EPPK1: variants seen among roughly 807,000 people sequenced by gnomAD.
EPPK1 encodes the protein epiplakin 1.
For synonymous variants in EPPK1, 1,862 were observed against 1,721.2 expected, an observed-to-expected ratio of 1.08 and a Z score of -2.03; for missense variants, 3,823 against 3,673.3, an observed-to-expected ratio of 1.04 and a Z score of -1.05.
Position 143,867,012 on chromosome 8 carries a change from A to C in EPPK1, c.6242T>G (p.Leu2081Arg). 6.2e-7 allele frequency: 1 copy of C among 1,612,664 alleles called. No homozygotes were observed. Among genetic ancestry groups the C allele is most frequent in the Non-Finnish European group, 8.5e-7 (1 of 1,179,848 alleles). The change falls in exon 2 of 2, where the codon CTG becomes CGG. Residue 2081 changes from leucine (L) to arginine (R), a missense_variant. Transcript: ENST00000615648. Reference protein sequence around the residue: ...RCRPQEDTGWLLFPVNKAARD... With the variant: ...RCRPQEDTGWRLFPVNKAARD... ...TGCAGCCTTGTTCACTGGGAACAGCAGCCAGCCCGTGTCCTCTTGTGGGCG... is the reference window on the plus strand; with the variant it reads ...TGCAGCCTTGTTCACTGGGAACAGCCGCCAGCCCGTGTCCTCTTGTGGGCG...
At position 143,869,944 on chromosome 8, in the gene EPPK1, T is replaced by C; in HGVS notation, c.3310A>G (p.Arg1104Gly). The change falls in exon 2 of 2, where the codon AGG (arginine) becomes GGG (glycine). Residue 1104 changes from arginine (R) to glycine (G), a missense_variant. Physicochemically the swap from Arg to Gly is moderately radical, Grantham distance 125. Transcript: ENST00000615648. ...SYAQLLEECP[R>G]DETSGLHLLP... ...AGGTGAAGGCCAGAAGTCTCATCCC[T>C]GGGGCACTCCTCCAGGAGCTGGGCA... 6.2e-7 allele frequency: 1 copy of C among 1,608,388 alleles called. No homozygotes were observed. The highest frequency in any genetic ancestry group is 1.7e-5 in the Admixed American group (1 of 59,552).
chr8:143,876,556 C>T (rs934890752), intron 1 of EPPK1, among the ~76,000 whole-genome samples: 1 of 152,158 alleles, frequency 6.6e-6, no homozygotes, highest in Non-Finnish European at 1.5e-5. Flanking sequence ...CTGAGGCCAT[C>T]CTGAGACCAC....
In EPPK1 at chr8:143,866,594, C is replaced by A; in HGVS notation, c.6660G>T (p.Leu2220=). Residue 2220 remains leucine, a synonymous_variant, in exon 2 of 2, where the codon CTG becomes CTT. Coordinates refer to ENST00000615648, the MANE Select transcript of EPPK1 (RefSeq NM_031308.4). ...LMEDDRVKRY[L]EGTSCIAGVL... Reference sequence around the variant, plus strand: ...CGCCCGCGATGCAGCTGGTGCCCTCCAGGTAGCGCTTGACGCGGTCGTCCT... The same window carrying A: ...CGCCCGCGATGCAGCTGGTGCCCTCAAGGTAGCGCTTGACGCGGTCGTCCT... 1 of 1,612,592 alleles carries A rather than the reference C, an allele frequency of 6.2e-7. No individual in the cohort carries two copies. Among genetic ancestry groups the A allele is most frequent in the Non-Finnish European group, 8.5e-7 (1 of 1,179,804 alleles).
chr8:143,876,307 G>A (rs1367469721), intron 1 of EPPK1, among the ~76,000 whole-genome samples: 2 of 152,214 alleles, frequency 1.3e-5, no homozygotes, highest in Non-Finnish European at 2.9e-5. Flanking sequence ...GACAAGCCCT[G>A]AGCCAGCAGG....
rs782161337 is a variant in EPPK1, at chr8:143,869,896, G to T, written c.3358C>A (p.Pro1120Thr). The change falls in exon 2 of 2, where the codon CCT (proline) becomes ACT (threonine). Residue 1120 changes from proline (P) to threonine (T), a missense_variant. Transcript: ENST00000615648. ...LHLLPLPESA[P>T]ALPTEEQVQR... ...ACCTGCTCCTCGGTGGGGAGGGCAG[G>T]AGCACTTTCTGGCAGGGGCAGGAGG... The T allele has an allele frequency of 1.2e-6, 2 of 1,608,394 alleles. No homozygotes were observed. Among genetic ancestry groups the T allele is most frequent in the Non-Finnish European group, 1.7e-6 (2 of 1,178,076 alleles).
In EPPK1 at chr8:143,869,039, G is replaced by T. The variant is rs782462121; in HGVS notation, c.4215C>A (p.Asp1405Glu). The T allele has an allele frequency of 2.5e-6, 4 of 1,609,776 alleles. No homozygotes were observed. The highest frequency in any genetic ancestry group is 3.4e-6 in the Non-Finnish European group (4 of 1,179,840). Residue 1405 changes from aspartate to glutamate, a missense_variant, in exon 2 of 2, where the codon GAC (aspartate) becomes GAA (glutamate). Asp to Glu is a conservative substitution (Grantham distance 45). Coordinates refer to ENST00000615648, the MANE Select transcript of EPPK1 (RefSeq NM_031308.4). ...AGGTCACCTGGTCCCGCGCACTGGG[G>T]TCAAAGAAGAACTTGTTGTCCTTGT... ...AVDKDNKFFF[D>E]PSARDQVTYQ...
chr8:143,878,969 G>A (rs576961284), upstream of EPPK1, among the ~76,000 whole-genome samples: 1 of 152,232 alleles, frequency 6.6e-6, no homozygotes, highest in South Asian at 2.1e-4. Context: ...GGGATGTCCT[G>A]CCTGGAGCAG....
In EPPK1 at chr8:143,871,886, G is replaced by A; in HGVS notation, c.1368C>T (p.Val456=). Residue 456 remains valine, a synonymous_variant, in exon 2 of 2, where the codon GTC becomes GTT. Coordinates refer to ENST00000615648, the MANE Select transcript of EPPK1 (RefSeq NM_031308.4). The part of the protein sequence containing the change: ...LRYEQLLALC[V]TDPETGLAFL... The stretch of plus-strand genomic sequence containing the variant: ...AGGCAAGCCCGGTCTCTGGGTCGGT[G>A]ACACAGAGGGCCAGCAGCTGTTCAT... The A allele has an allele frequency of 6.2e-7, 1 of 1,609,904 alleles. No individual in the cohort carries two copies. The highest frequency in any genetic ancestry group is 1.3e-5 in the African/African-American group (1 of 75,054).
rs782723528 is a variant in EPPK1 at position 143,871,253 on chromosome 8, T to G, written c.2001A>C (p.Ala667=). ...KANKGHSVEE[A]LRAAVIGPDV... ...CAGGCCCAATGACAGCAGCCCTCAG[T>G]GCCTCCTCAACGGAGTGCCCCTTGT... The change falls in exon 2 of 2, where the codon GCA becomes GCC. Residue 667 remains alanine, a synonymous_variant. Coordinates refer to ENST00000615648, the MANE Select transcript of EPPK1 (RefSeq NM_031308.4). 6.2e-7 allele frequency: 1 copy of G among 1,613,098 alleles called. No individual in the cohort carries two copies. Among genetic ancestry groups the G allele is most frequent in the East Asian group, 2.2e-5 (1 of 44,888 alleles).
At position 143,872,657 on chromosome 8, in the gene EPPK1, G is replaced by A; in HGVS notation, c.597C>T (p.Arg199=). Residue 199 remains arginine, a synonymous_variant, in exon 2 of 2, where the codon CGC becomes CGT. Transcript: ENST00000615648. The part of the protein sequence containing the change: ...SELEPGTGDL[R]FLDPNTLERL... Reference sequence around the variant, plus strand: ...GCTCCAGCGTGTTGGGGTCGAGGAAGCGCAGGTCACCTGTGCCAGGCTCAA... The same window carrying A: ...GCTCCAGCGTGTTGGGGTCGAGGAAACGCAGGTCACCTGTGCCAGGCTCAA... 6.2e-7 allele frequency: 1 copy of A among 1,609,044 alleles called. No individual in the cohort carries two copies. The highest frequency in any genetic ancestry group is 8.5e-7 in the Non-Finnish European group (1 of 1,179,300).
chr8:143,875,946 A>C (rs1586704662), intron 1 of EPPK1, among the ~76,000 whole-genome samples: 1 of 141,494 alleles, frequency 7.1e-6, no homozygotes, highest in African/African-American at 2.7e-5. Context: ...AGTGGCCCCC[A>C]CCCCCCACCC....
At position 143,871,824 on chromosome 8, in the gene EPPK1, G is replaced by C; in HGVS notation, c.1430C>G (p.Pro477Arg). Residue 477 changes from proline to arginine, a missense_variant, in exon 2 of 2, where the codon CCC becomes CGC. Transcript: ENST00000615648. Reference sequence around the variant, plus strand: ...GTACTTGATGAATGGGGGTCCCTGGGGCTCCCCTCCCCGGGGTCCCCCTGA... The same window carrying C: ...GTACTTGATGAATGGGGGTCCCTGGCGCTCCCCTCCCCGGGGTCCCCCTGA... ...PLSGGPRGGE[P>R]QGPPFIKYST... 1 of 1,612,414 alleles carries C rather than the reference G, an allele frequency of 6.2e-7. No homozygotes were observed. The highest frequency in any genetic ancestry group is 8.5e-7 in the Non-Finnish European group (1 of 1,179,834).
At position 143,866,171 on chromosome 8, in the gene EPPK1, C is replaced by G. The variant is rs1819098057; in HGVS notation, c.7083G>C (p.Val2361=). ...PVHSHRVPVD[V]AYRRGYFDEE... ...CGTCGAAGTAGCCGCGCCGGTAGGC[C>G]ACGTCCACGGGCACGCGGTGGCTGT... Residue 2361 remains valine, a synonymous_variant, in exon 2 of 2, where the codon GTG becomes GTC. Transcript: ENST00000615648. 5 of 413,852 alleles carry G rather than the reference C, an allele frequency of 1.2e-5. No individual in the cohort carries two copies. In the African/African-American group the frequency reaches 2.5e-4, roughly 21 times the overall value. The allele number at this position is 413,852 out of a possible 1,614,324, so 25.6% of individuals were successfully genotyped here. A position where few individuals can be genotyped will look rare whatever the true frequency, so the allele number is the denominator to read the frequency against.
Position 143,857,600 on chromosome 8 carries a change from T to C in EPPK1, c.*387A>G, listed in dbSNP as rs1818916153. 1 of 204,980 alleles carries C rather than the reference T, an allele frequency of 4.9e-6. No homozygotes were observed. The highest frequency in any genetic ancestry group is 2.3e-5 in the African/African-American group (1 of 43,344). The allele number at this position is 204,980 out of a possible 1,614,324, so 12.7% of individuals were successfully genotyped here. A position where few individuals can be genotyped will look rare whatever the true frequency, so the allele number is the denominator to read the frequency against. ...CGTGAATAGCACATCGTTAGGGAAA[T>C]AACCGCATGTAATAAAAATTACACT... On this transcript the variant is annotated 3_prime_UTR_variant, in exon 2 of 2. Transcript: ENST00000615648.
At position 143,866,877 on chromosome 8, in the gene EPPK1, A is replaced by G; in HGVS notation, c.6377T>C (p.Leu2126Pro). 6.2e-7 allele frequency: 1 copy of G among 1,613,230 alleles called. No individual in the cohort carries two copies. The change falls in exon 2 of 2, where the codon CTG (leucine) becomes CCG (proline). Residue 2126 changes from leucine (L) to proline (P), a missense_variant. Transcript: ENST00000615648. ...RGQKPTLWAL[L>P]NSEYVTEEKK... ...CTCCTCTGTCACGTATTCGGAATTC[A>G]GTAGTGCCCACAGTGTTGGTTTCTG...
chr8:143,874,316 C>T (rs972616354), intron 1 of EPPK1, among the ~76,000 whole-genome samples: 6 of 152,250 alleles, frequency 3.9e-5, no homozygotes, highest in Non-Finnish European at 8.8e-5. Context: ...TCCCTAAAAA[C>T]GTATGTCTAA....
rs1212040158 is a variant in EPPK1 at position 143,878,429 on chromosome 8, C to CTGCCCGCT, written c.-46+8_-46+9insAGCGGGCA. ...GCCGCACCCGCCGCACCCGCCGCACCCGCCGCACCTGCCCGCTCGCCGCTC... is the reference window on the plus strand; with the variant it reads ...GCCGCACCCGCCGCACCCGCCGCACCTGCCCGCTCGCCGCACCTGCCCGCTCGCCGCTC... On this transcript the variant is annotated intron_variant, in intron 1 of 1. Transcript: ENST00000615648. 5 of 148,576 alleles carry CTGCCCGCT rather than the reference C, an allele frequency of 3.4e-5. No individual in the cohort carries two copies. The highest frequency in any genetic ancestry group is 1.9e-4 in the East Asian group (1 of 5,160). 9.2% of individuals were successfully genotyped at this position (148,576 alleles called of 1,614,324 possible).
At chr8:143,876,920 C>A (rs1161274429) in intron 1 of EPPK1, among the ~76,000 whole-genome samples, 1 of 152,206 alleles carries the variant, frequency 6.6e-6, no homozygotes, top group Non-Finnish European at 1.5e-5. Context: ...GGGGACAGCA[C>A]CTTGGGCGGG....
Position 143,873,346 on chromosome 8 carries a change from G to A in EPPK1, c.-45-48C>T, listed in dbSNP as rs2130653601. ...ATCAGGGACCCCGCATGGCCTGGTG[G>A]GCACGAGGGAAGATGCGGTCATGGG... On this transcript the variant is annotated intron_variant, in intron 1 of 1. Coordinates refer to ENST00000615648, the MANE Select transcript of EPPK1 (RefSeq NM_031308.4). 9.7e-6 allele frequency: 13 copies of A among 1,341,612 alleles called. No individual in the cohort carries two copies. In the South Asian group the frequency reaches 2.0e-4, roughly 20 times the overall value. 83.1% of individuals were successfully genotyped at this position (1,341,612 alleles called of 1,614,324 possible).
Sources: allele counts gnomAD v4.1 joint callset (sites outside exome capture counted in the v4.1 genomes callset), GRCh38; gene constraint gnomAD v4.1.1; transcripts MANE v1.5; gene names NCBI Gene and HGNC (gene_info 2026-07-23, HGNC 2026-07-21).